Variants in TCF7L2 observed in about 807,000 individuals in gnomAD.
The protein encoded by TCF7L2 is transcription factor 7 like 2, also known as transcription factor 7-like 2.
Under a neutral mutation model 77.9 loss-of-function variants are expected in TCF7L2, and 23 were observed. The ratio of observed to expected loss-of-function variants is 0.30; its 90% confidence interval spans 0.21 to 0.42. The LOEUF (loss-of-function observed/expected upper bound fraction) is 0.42, where lower values mean the gene tolerates loss of function less well. Ranked by LOEUF, TCF7L2 falls within the 10% of genes least tolerant of loss-of-function variation. The pLI, the probability that TCF7L2 is intolerant of heterozygous loss-of-function variation, is 1.00. For missense variants in TCF7L2, 654 were observed against 793.1 expected (o/e 0.82, Z 2.11); for synonymous variants, 413 against 340.2 (o/e 1.21, Z -2.36).
intron 5 of TCF7L2, among the ~76,000 whole-genome samples, chr10:113,060,789 G>A (rs769505867): frequency 2.6e-5 from 4 of 151,984 alleles, no homozygotes; most frequent in Admixed American, 2.6e-4. Context: ...GGAAAGAGGC[G>A]CTGTGTCCCC....
At chr10:112,961,950 A>G (rs2035378418) in intron 3 of TCF7L2, among the ~76,000 whole-genome samples, 1 of 151,996 alleles carries the variant, frequency 6.6e-6, no homozygotes, top group South Asian at 2.1e-4. Context: ...TTTGTCCTAT[A>G]TGTTGGTTTC....
In TCF7L2 at chr10:113,091,045, G is replaced by A. The variant is rs550882766; in HGVS notation, c.553-50139G>A. The stretch of plus-strand genomic sequence containing the variant: ...GCCTCCCGAGTAGCTGGGATTACAG[G>A]CACCTGTTACCATACCCGGCTAATT... On this transcript the variant is annotated intron_variant, in intron 5 of 13. Coordinates refer to ENST00000627217, the MANE Select transcript of TCF7L2 (RefSeq NM_001146274.2). Among the ~76,000 whole-genome samples, 11 of 152,220 alleles carry A rather than the reference G, an allele frequency of 7.2e-5. No homozygotes were observed. In the South Asian group the frequency reaches 2.3e-3, roughly 32 times the overall value.
At chr10:113,106,975 T>C (rs1008870458) in intron 5 of TCF7L2, among the ~76,000 whole-genome samples, 1 of 152,226 alleles carries the variant, frequency 6.6e-6, no homozygotes, top group African/African-American at 2.4e-5. Context: ...GAGTTGACCA[T>C]GATCAGAATG....
At chr10:112,980,428 C>G (rs865802146) in intron 4 of TCF7L2, among the ~76,000 whole-genome samples, 1 of 152,094 alleles carries the variant, frequency 6.6e-6, no homozygotes, top group Non-Finnish European at 1.5e-5. Context: ...TAATTTGATA[C>G]AGAAATGAAA....
At chr10:113,125,929 G>A (rs1441913460) in intron 5 of TCF7L2, 1 of 152,194 alleles carries the variant, frequency 6.6e-6, no homozygotes. Context: ...CAACAAAAAA[G>A]CATAGCATGG....
At chr10:113,072,889 A>C (rs1171971122) in intron 5 of TCF7L2, among the ~76,000 whole-genome samples, 1 of 152,184 alleles carries the variant, frequency 6.6e-6, no homozygotes, top group African/African-American at 2.4e-5. Context: ...CATGATTGTG[A>C]TGGCACTGGG....
intron 5 of TCF7L2, among the ~76,000 whole-genome samples, chr10:113,041,368 A>C (rs913890962): frequency 2.0e-5 from 3 of 152,302 alleles, no homozygotes; most frequent in South Asian, 4.1e-4. Flanking sequence ...TAAGGTCAAG[A>C]TTTCAGGGCT....
At chr10:112,974,307 A>C (rs2038925107) in intron 4 of TCF7L2, among the ~76,000 whole-genome samples, 1 of 152,198 alleles carries the variant, frequency 6.6e-6, no homozygotes, top group South Asian at 2.1e-4. Flanking sequence ...ATACCAAGAC[A>C]ATGTCTGGTA....
chr10:112,951,530 G>A lies in TCF7L2; in HGVS notation c.304G>A (p.Gly102Ser), dbSNP rs778420494. 2 of 1,428,642 alleles carry A rather than the reference G, an allele frequency of 1.4e-6. No homozygotes were observed. The highest frequency in any genetic ancestry group is 1.2e-5 in the South Asian group (1 of 82,650). 88.5% of individuals were successfully genotyped at this position (1,428,642 alleles called of 1,614,324 possible). The change falls in exon 3 of 14, where the codon GGC becomes AGC. Residue 102 changes from glycine (G) to serine (S), a missense_variant. This residue lies in a region of TCF7L2 where 132 missense variants were observed against 123.7 expected (regional missense o/e 1.07). Coordinates refer to ENST00000627217, the MANE Select transcript of TCF7L2 (RefSeq NM_001146274.2). Reference sequence around the variant, plus strand: ...GCTCTTTAAGGGGCCACCGTATCCCGGCTACCCCTTCATCATGATCCCCGA... The same window carrying A: ...GCTCTTTAAGGGGCCACCGTATCCCAGCTACCCCTTCATCATGATCCCCGA...
chr10:113,131,729 G>GA (rs2066633675), intron 5 of TCF7L2, among the ~76,000 whole-genome samples: 1 of 152,200 alleles, frequency 6.6e-6, no homozygotes, highest in Non-Finnish European at 1.5e-5. Flanking sequence ...TATTCTTAGG[G>GA]AAACCTCCCC....
At chr10:112,979,162 G>T (rs752375728) in intron 4 of TCF7L2, among the ~76,000 whole-genome samples, 2 of 152,082 alleles carry the variant, frequency 1.3e-5, no homozygotes, top group Non-Finnish European at 2.9e-5. Flanking sequence ...TTCGCCTGTT[G>T]AAAGGAGAAC....
At chr10:113,145,958 T>TGGCC in intron 7 of TCF7L2, 53 bp from the exon 8 acceptor site, 12 of 1,350,188 alleles carry the variant, frequency 8.9e-6, no homozygotes, top group Middle Eastern at 1.9e-4. Context: ...CTTTTTCTTG[T>TGGCC]CCCCACCCCC....
intron 5 of TCF7L2, among the ~76,000 whole-genome samples, chr10:113,076,373 A>G (rs910265676): frequency 6.6e-6 from 1 of 152,140 alleles, no homozygotes; most frequent in African/African-American, 2.4e-5. Context: ...CCTGGCCTCA[A>G]GTGATCCTTT....
At chr10:113,013,820 G>T (rs943891879) in intron 4 of TCF7L2, among the ~76,000 whole-genome samples, 1 of 152,162 alleles carries the variant, frequency 6.6e-6, no homozygotes, top group Non-Finnish European at 1.5e-5. Context: ...CATGTATTGA[G>T]ATGATATTAT....
chr10:113,055,240 A>G (rs372162650), intron 5 of TCF7L2, among the ~76,000 whole-genome samples: 2 of 152,216 alleles, frequency 1.3e-5, no homozygotes, highest in East Asian at 3.8e-4. Flanking sequence ...GAGTATTTCC[A>G]TCACCAGCAT....
At chr10:113,049,670 C>A (rs960046092) in intron 5 of TCF7L2, among the ~76,000 whole-genome samples, 1 of 152,180 alleles carries the variant, frequency 6.6e-6, no homozygotes, top group Non-Finnish European at 1.5e-5. Context: ...AAGCCTTAGA[C>A]AGATCATATC....
rs2074065001 is a variant in TCF7L2, at chr10:113,166,879, A to G, written c.*907A>G. The G allele has an allele frequency of 4.4e-6, 1 of 229,354 alleles. No individual in the cohort carries two copies. 14.2% of individuals were successfully genotyped at this position (229,354 alleles called of 1,614,324 possible). A position where few individuals can be genotyped will look rare whatever the true frequency, so the allele number is the denominator to read the frequency against. On this transcript the variant is annotated 3_prime_UTR_variant, in exon 14 of 14. Transcript: ENST00000627217. The stretch of plus-strand genomic sequence containing the variant: ...CCAAATGGACATTAATAGTTGCATT[A>G]AGGATCAGTAGCATTAACAAAAGTT...
rs139047649 is a variant in TCF7L2 at position 113,102,111 on chromosome 10, CAAAAAAAAAAAAAAAA to C, written c.553-39057_553-39042del. Among the ~76,000 whole-genome samples the C allele has an allele frequency of 8.7e-3, 625 of 71,782 alleles. 11 individuals carry two copies. Among genetic ancestry groups the C allele is most frequent in the African/African-American group, 0.035 (593 of 16,908 alleles). 47.1% of individuals were successfully genotyped at this position (71,782 alleles called of 152,430 possible). ...CCTGGGTGACAGAGCGTGACTCCAT[CAAAAAAAAAAAAAAAA>C]AAAAAAAAAAAAAAAGTGAGAAAGA... On this transcript the variant is annotated intron_variant, in intron 5 of 13. Transcript: ENST00000627217.
At chr10:112,983,141 T>G (rs73358209) in intron 4 of TCF7L2, among the ~76,000 whole-genome samples, 16,741 of 151,854 alleles carry the variant, frequency 0.11, 1,331 homozygotes, top group African/African-American at 0.23. Flanking sequence ...TTTTGTTTTT[T>G]TTTTGTCAGA....
Sources: gnomAD v4.1 joint callset for allele counts (sites outside exome capture counted in the v4.1 genomes callset) on GRCh38, gnomAD v4.1.1 for gene constraint, gnomAD v4.1.1 regional missense constraint, MANE v1.5 for transcripts, NCBI Gene and HGNC (gene_info 2026-07-23, HGNC 2026-07-21) for gene names.